Variants in BCOR observed in about 807,000 individuals in gnomAD.
BCOR encodes the protein BCL6 corepressor.
In BCOR, 10 loss-of-function variants were observed where a neutral mutation model predicts 86.7. The observed-to-expected ratio is 0.12, with a 90% confidence interval of 0.07 to 0.20. BCOR has a LOEUF of 0.20. Among genes scored for constraint, BCOR ranks in the 10% least tolerant of loss-of-function variants. The pLI, the probability that BCOR is intolerant of heterozygous loss-of-function variation, is 1.00. For synonymous variants in BCOR, 611 were observed against 609.0 expected, an observed-to-expected ratio of 1.00 and a Z score of -0.05; for missense variants, 1,259 against 1,452.1, an observed-to-expected ratio of 0.87 and a Z score of 2.16.
chrX:40,139,053 G>C (rs1464703606), intron 1 of BCOR, among the ~76,000 whole-genome samples: 1 of 108,860 alleles, frequency 9.2e-6, no homozygotes, highest in African/African-American at 3.3e-5. Context: ...CTACGACATA[G>C]TCTTCGCTAT....
intron 1 of BCOR, among the ~76,000 whole-genome samples, chrX:40,169,039 C>T (rs944666253): frequency 2.7e-5 from 3 of 112,598 alleles, no homozygotes; most frequent in Admixed American, 9.3e-5. Context: ...GTCTTCCAGG[C>T]CGAGGGCCTC....
intron 1 of BCOR, among the ~76,000 whole-genome samples, chrX:40,081,640 G>T (rs1359807487): frequency 8.9e-6 from 1 of 112,680 alleles, no homozygotes; most frequent in Non-Finnish European, 1.9e-5. Flanking sequence ...TATGCTTCCA[G>T]AAGTGCCAAG....
At chrX:40,100,899 C>T (rs185984228), upstream of BCOR, among the ~76,000 whole-genome samples, 1 of 109,504 alleles carries the variant, frequency 9.1e-6, no homozygotes, top group East Asian at 2.8e-4. Flanking sequence ...AGGGATCTTG[C>T]CTCCACGGTA....
intron 1 of BCOR, among the ~76,000 whole-genome samples, chrX:40,164,667 C>T (rs761860369): frequency 8.9e-6 from 1 of 111,976 alleles, no homozygotes; most frequent in East Asian, 2.8e-4. Context: ...AGCATTTCCA[C>T]CAGGCTGGTT....
chrX:40,068,844 A>C (rs1457158001), intron 6 of BCOR, among the ~76,000 whole-genome samples: 1 of 112,999 alleles, frequency 8.8e-6, no homozygotes, highest in East Asian at 2.8e-4. Flanking sequence ...CAGTTAATTC[A>C]GTTTTTTTAA....
intron 1 of BCOR, among the ~76,000 whole-genome samples, chrX:40,142,322 T>G (rs1029800562): frequency 8.9e-6 from 1 of 112,183 alleles, no homozygotes; most frequent in African/African-American, 3.2e-5. Context: ...TTTCCTCCAC[T>G]GGGTTAAACA....
At chrX:40,176,289 G>T (rs1165988549) in intron 1 of BCOR, among the ~76,000 whole-genome samples, 1 of 112,348 alleles carries the variant, frequency 8.9e-6, no homozygotes, top group Non-Finnish European at 1.9e-5. Context: ...GAGGCTGTTT[G>T]TGTGGTGTGT....
At chrX:40,143,045 C>G (rs920943126) in intron 1 of BCOR, among the ~76,000 whole-genome samples, 1 of 112,424 alleles carries the variant, frequency 8.9e-6, no homozygotes. Flanking sequence ...TGGTAAATGA[C>G]GAGCTGAGCT....
At chrX:40,157,232 A>T (rs886426348) in intron 1 of BCOR, among the ~76,000 whole-genome samples, 1 of 112,288 alleles carries the variant, frequency 8.9e-6, no homozygotes, top group Non-Finnish European at 1.9e-5. Flanking sequence ...CCTTGGCCCT[A>T]ATCAGGGGAG....
At chrX:40,105,156 G>T (rs1937151207) in intron 1 of BCOR, among the ~76,000 whole-genome samples, 2 of 110,375 alleles carry the variant, frequency 1.8e-5, no homozygotes, top group Non-Finnish European at 3.8e-5. Flanking sequence ...CCGTTCCCGC[G>T]GGGTCTCCGG....
intron 1 of BCOR, among the ~76,000 whole-genome samples, chrX:40,110,666 T>C (rs1937289368): frequency 1.1e-5 from 1 of 90,704 alleles, no homozygotes; most frequent in African/African-American, 3.9e-5. Flanking sequence ...TTTTCCTTTT[T>C]CTTTTTTTTT....
At chrX:40,156,663 C>T (rs1270025196) in intron 1 of BCOR, among the ~76,000 whole-genome samples, 3 of 111,958 alleles carry the variant, frequency 2.7e-5, no homozygotes, top group Non-Finnish European at 5.7e-5. Context: ...GTCTTCTGAG[C>T]CCCCCACGCA....
intron 1 of BCOR, 64 bp from the exon 2 acceptor site, chrX:40,078,033 G>A (rs1356318648): frequency 1.5e-6 from 1 of 653,128 alleles, no homozygotes; most frequent in Non-Finnish European, 2.5e-6. Context: ...CAGGGCGCTA[G>A]AGAAGGCCTC....
At chrX:40,140,467 AAAAC>A (rs780790114) in intron 1 of BCOR, among the ~76,000 whole-genome samples, 17 of 111,248 alleles carry the variant, frequency 1.5e-4, no homozygotes, top group African/African-American at 3.6e-4. Flanking sequence ...GACCCCATTT[AAAAC>A]AAACAAACAA....
At chrX:40,141,655 C>T (rs1937925488) in intron 1 of BCOR, among the ~76,000 whole-genome samples, 1 of 110,794 alleles carries the variant, frequency 9.0e-6, no homozygotes, top group African/African-American at 3.3e-5. Flanking sequence ...CTGTGCTCTT[C>T]TGCTTGTTCA....
At chrX:40,054,205 G>A (rs756124714) in intron 13 of BCOR, 51 bp downstream of exon 13, 1 of 1,143,517 alleles carries the variant, frequency 8.7e-7, no homozygotes, top group South Asian at 1.9e-5. Context: ...GACAGAAATG[G>A]ACTTGAACTT....
chrX:40,077,456 A>C (rs1935865529), intron 2 of BCOR: 1 of 183,871 alleles, frequency 5.4e-6, no homozygotes, highest in Non-Finnish European at 1.0e-5. Flanking sequence ...GCTTCAATGA[A>C]GGAAAACGGT....
At chrX:40,135,450 CACAAT>C (rs1937659854) in intron 1 of BCOR, among the ~76,000 whole-genome samples, 1 of 108,556 alleles carries the variant, frequency 9.2e-6, no homozygotes, top group Non-Finnish European at 1.9e-5. Context: ...AGTGTAGTGA[CACAAT>C]ACTCGGCTCA....
intron 5 of BCOR, 33 bp from the exon 6 acceptor site, chrX:40,071,192 A>C (rs1307222932): frequency 4.4e-6 from 5 of 1,141,155 alleles, no homozygotes; most frequent in South Asian, 1.9e-5. Flanking sequence ...AAAAAAAAAA[A>C]ACAACACCTT....
Sources: gnomAD v4.1 joint callset for allele counts (sites outside exome capture counted in the v4.1 genomes callset) on GRCh38, gnomAD v4.1.1 for gene constraint, MANE v1.5 for transcripts, NCBI Gene and HGNC (gene_info 2026-07-23, HGNC 2026-07-21) for gene names.